The following HIBADH variants were observed in gnomAD, a reference collection of about 807,000 sequenced individuals.
HIBADH encodes the protein 3-hydroxyisobutyrate dehydrogenase, mitochondrial.
HIBADH carries 25 observed loss-of-function variants against 36.1 expected under a neutral mutation model. The observed-to-expected ratio is 0.69, with a 90% CI of 0.50 to 0.97. The LOEUF is 0.97. Among genes scored for constraint, HIBADH ranks in the 50% least tolerant of loss-of-function variants. The pLI is 0.00. For synonymous variants in HIBADH, 160 were observed against 149.5 expected (o/e 1.07, Z -0.51); for missense variants, 421 against 418.0 (o/e 1.01, Z -0.06).
At chr7:27,591,431 G>T (rs531567620) in intron 4 of HIBADH, among the ~76,000 whole-genome samples, 1 of 152,120 alleles carries the variant, frequency 6.6e-6, no homozygotes, top group Admixed American at 6.5e-5. Flanking sequence ...GGTGCCTGTA[G>T]TCCCAGCTAC....
At chr7:27,661,062 T>C (rs769724302) in intron 1 of HIBADH, among the ~76,000 whole-genome samples, 1 of 152,306 alleles carries the variant, frequency 6.6e-6, no homozygotes, top group Non-Finnish European at 1.5e-5. Flanking sequence ...TGTGGAAAAG[T>C]GTCTATTCTT....
At chr7:27,533,167 A>G (rs925688497) in intron 6 of HIBADH, among the ~76,000 whole-genome samples, 3 of 152,216 alleles carry the variant, frequency 2.0e-5, no homozygotes, top group African/African-American at 7.2e-5. Context: ...TACACTCAGT[A>G]GTAGCTCACA....
intron 4 of HIBADH, among the ~76,000 whole-genome samples, chr7:27,575,021 T>G (rs1784687617): frequency 6.6e-6 from 1 of 152,206 alleles, no homozygotes; most frequent in Non-Finnish European, 1.5e-5. Flanking sequence ...AAGGCTTATC[T>G]TATCTTTTGT....
intron 5 of HIBADH, among the ~76,000 whole-genome samples, chr7:27,540,462 C>A (rs1784132097): frequency 1.3e-5 from 2 of 152,202 alleles, no homozygotes; most frequent in South Asian, 4.1e-4. Flanking sequence ...TGCACAATCT[C>A]TTTAGTGATT....
intron 4 of HIBADH, among the ~76,000 whole-genome samples, chr7:27,624,566 G>A (rs1188478247): frequency 6.6e-6 from 1 of 152,338 alleles, no homozygotes; most frequent in Non-Finnish European, 1.5e-5. Flanking sequence ...AAGCACTTTA[G>A]ATTGGGTCTA....
At chr7:27,538,708 A>G (rs1046748358) in intron 5 of HIBADH, among the ~76,000 whole-genome samples, 1 of 152,136 alleles carries the variant, frequency 6.6e-6, no homozygotes, top group Non-Finnish European at 1.5e-5. Flanking sequence ...ACTGCTCTTT[A>G]AGGGATGGAA....
chr7:27,600,134 C>G (rs1285431683), intron 4 of HIBADH, among the ~76,000 whole-genome samples: 1 of 151,980 alleles, frequency 6.6e-6, no homozygotes, highest in Non-Finnish European at 1.5e-5. Context: ...ATGGTTTTCC[C>G]ATATCATCTC....
chr7:27,613,830 C>T (rs1785379184), intron 4 of HIBADH, among the ~76,000 whole-genome samples: 1 of 151,646 alleles, frequency 6.6e-6, no homozygotes, highest in South Asian at 2.1e-4. Context: ...GGCTAATTTT[C>T]GTATTTTTTG....
intron 4 of HIBADH, among the ~76,000 whole-genome samples, chr7:27,626,744 T>C (rs981595483): frequency 5.3e-5 from 8 of 152,204 alleles, no homozygotes; most frequent in African/African-American, 1.9e-4. Context: ...AATAGAAGTA[T>C]AGTATGTTCC....
intron 4 of HIBADH, among the ~76,000 whole-genome samples, chr7:27,608,112 T>C (rs956214221): frequency 2.6e-5 from 4 of 152,308 alleles, no homozygotes; most frequent in African/African-American, 7.2e-5. Flanking sequence ...TAAACAATTA[T>C]GATAACCAAA....
At chr7:27,569,419 T>C (rs779559377) in intron 4 of HIBADH, among the ~76,000 whole-genome samples, 5 of 152,174 alleles carry the variant, frequency 3.3e-5, no homozygotes, top group Admixed American at 1.3e-4. Flanking sequence ...TATGAGACTC[T>C]GGGTCTTGCT....
At chr7:27,605,045 T>G (rs957737891) in intron 4 of HIBADH, among the ~76,000 whole-genome samples, 2 of 152,136 alleles carry the variant, frequency 1.3e-5, no homozygotes, top group African/African-American at 4.8e-5. Flanking sequence ...GAATATACAC[T>G]GAGCTTTATT....
intron 4 of HIBADH, among the ~76,000 whole-genome samples, chr7:27,567,780 T>C (rs1469688803): frequency 6.6e-6 from 1 of 152,176 alleles, no homozygotes; most frequent in Non-Finnish European, 1.5e-5. Flanking sequence ...CCTTTAATAT[T>C]ATAGTTGTCA....
At position 27,526,329 on chromosome 7, in the gene HIBADH, G is replaced by A; in HGVS notation, c.896C>T (p.Pro299Leu). The A allele has an allele frequency of 6.2e-7, 1 of 1,613,188 alleles. No individual in the cohort carries two copies. The highest frequency in any genetic ancestry group is 1.1e-5 in the South Asian group (1 of 90,832). Residue 299 changes from proline to leucine, a missense_variant, in exon 8 of 8, where the codon CCA becomes CTA. Pro to Leu is a moderately conservative substitution (Grantham distance 98). Coordinates refer to ENST00000265395, the MANE Select transcript of HIBADH (RefSeq NM_152740.4). ...AQDSATSTKSPILLGSLAHQI... is the reference protein window; with the variant it reads ...AQDSATSTKSLILLGSLAHQI... ...ATGGGCCAGACTGCCAAGAAGGATT[G>A]GGCTCTTTGTGCTGGTAGCAGAGTC... is the stretch of plus-strand genomic sequence containing the variant.
intron 4 of HIBADH, among the ~76,000 whole-genome samples, chr7:27,597,875 T>G (rs773851940): frequency 6.6e-6 from 1 of 152,178 alleles, no homozygotes; most frequent in Non-Finnish European, 1.5e-5. Context: ...ATAGCTGAGA[T>G]GGAGGATAAT....
At chr7:27,613,793 G>C (rs565989849) in intron 4 of HIBADH, among the ~76,000 whole-genome samples, 1 of 151,858 alleles carries the variant, frequency 6.6e-6, no homozygotes, top group African/African-American at 2.4e-5. Flanking sequence ...CGAGTAGCTG[G>C]GACTACAGGT....
rs34491908 is a variant in HIBADH, at chr7:27,646,689, A to ATTT, written c.252+2781_252+2783dup. On this transcript the variant is annotated intron_variant, in intron 2 of 7. Transcript: ENST00000265395. ...ACAGGCACACACAACCACGCCCAGC[A>ATTT]TTTTTTTTTTTTTTTTTTTTTTTTG... Among the ~76,000 whole-genome samples the ATTT allele has an allele frequency of 9.9e-3, 740 of 74,804 alleles. 14 individuals carry two copies. The highest frequency in any genetic ancestry group is 0.014 in the African/African-American group (240 of 17,054). 49.1% of individuals were successfully genotyped at this position (74,804 alleles called of 152,430 possible).
intron 4 of HIBADH, among the ~76,000 whole-genome samples, chr7:27,582,940 G>C (rs933071674): frequency 1.1e-4 from 17 of 151,978 alleles, no homozygotes; most frequent in African/African-American, 4.1e-4. Context: ...ACCTCACAGG[G>C]CTTTTGTGAG....
At chr7:27,537,598 A>C (rs571192936) in intron 6 of HIBADH, among the ~76,000 whole-genome samples, 1 of 152,276 alleles carries the variant, frequency 6.6e-6, no homozygotes, top group East Asian at 1.9e-4. Context: ...GAAATATAAA[A>C]CATTCAAAAA....
Sources: allele counts gnomAD v4.1 joint callset (sites outside exome capture counted in the v4.1 genomes callset), GRCh38; gene constraint gnomAD v4.1.1; transcripts MANE v1.5; gene names NCBI Gene and HGNC (gene_info 2026-07-23, HGNC 2026-07-21).